Variants in RELT observed in about 807,000 individuals in gnomAD.
The protein encoded by RELT is RELT TNF receptor, also known as tumor necrosis factor receptor superfamily member 19L.
In RELT, 37 loss-of-function variants were observed where a neutral mutation model predicts 51.1. The observed-to-expected ratio is 0.72, with a 90% CI of 0.56 to 0.95. The LOEUF (loss-of-function observed/expected upper bound fraction) is 0.95, where lower values mean the gene tolerates loss of function less well. Ranked by LOEUF, RELT falls within the 40% of genes least tolerant of loss-of-function variation. RELT has a pLI of 0.00. For synonymous variants in RELT, 241 were observed against 235.7 expected, an observed-to-expected ratio of 1.02 and a Z score of -0.21; for missense variants, 535 against 572.6, an observed-to-expected ratio of 0.93 and a Z score of 0.67.
In RELT at chr11:73,395,682, G is replaced by T; in HGVS notation, c.*191G>T. 1 of 613,648 alleles carries T rather than the reference G, an allele frequency of 1.6e-6. No individual in the cohort carries two copies. The highest frequency in any genetic ancestry group is 2.9e-6 in the Non-Finnish European group (1 of 340,844). The allele number at this position is 613,648 out of a possible 1,614,324, so 38.0% of individuals were successfully genotyped here. A position where few individuals can be genotyped will look rare whatever the true frequency, so the allele number is the denominator to read the frequency against. The stretch of plus-strand genomic sequence containing the variant: ...GAGGCAGGTGGCCGGCGGGCACTGT[G>T]TACAGGAGCAGGCTGAGCCCCGCCC... On this transcript the variant is annotated 3_prime_UTR_variant, in exon 11 of 11. Transcript: ENST00000064780.
At position 73,387,133 on chromosome 11, in the gene RELT, C is replaced by T. The variant is rs190076018; in HGVS notation, c.-25-1979C>T. 9.5e-4 allele frequency among the ~76,000 whole-genome samples: 144 copies of T among 152,140 alleles called. 1 individual carries two copies. The highest frequency in any genetic ancestry group is 2.7e-3 in the South Asian group (13 of 4,824). The stretch of plus-strand genomic sequence containing the variant: ...CTAATTTTTGTATTTTTACTAGAGA[C>T]GGGGTTTCAGCATCTTGGCCAGGCT... On this transcript the variant is annotated intron_variant, in intron 1 of 10. Coordinates refer to ENST00000064780, the MANE Select transcript of RELT (RefSeq NM_152222.2).
chr11:73,380,848 G>C (rs1166200892), intron 1 of RELT, among the ~76,000 whole-genome samples: 1 of 152,196 alleles, frequency 6.6e-6, no homozygotes, highest in Non-Finnish European at 1.5e-5. Flanking sequence ...TGGGGGAGCA[G>C]GGATGTGGTC....
chr11:73,394,932 G>GC lies in RELT; in HGVS notation c.1047-154dup, dbSNP rs1866287115. On this transcript the variant is annotated intron_variant, in intron 9 of 10. Transcript: ENST00000064780. The surrounding 1 kb of genome is among the most constrained non-coding windows in gnomAD (Gnocchi z 4.9). ...ATGTTGTGTCTCACATGGAGCCCTTGCATCCCTAGGGCAGCATCTTGGCCC... is the reference window on the plus strand; with the variant it reads ...ATGTTGTGTCTCACATGGAGCCCTTGCCATCCCTAGGGCAGCATCTTGGCCC... 1 of 885,644 alleles carries GC rather than the reference G, an allele frequency of 1.1e-6. No individual in the cohort carries two copies. The highest frequency in any genetic ancestry group is 1.7e-6 in the Non-Finnish European group (1 of 582,862). The allele number at this position is 885,644 out of a possible 1,614,324, so 54.9% of individuals were successfully genotyped here.
chr11:73,385,047 T>C lies in RELT; in HGVS notation c.-25-4065T>C, dbSNP rs551527131. ...TTGGTGGGGGCGCGTCACGACGCCA[T>C]CCTGAGGGTGGTGGGAGCTGGCCCA... On this transcript the variant is annotated intron_variant, in intron 1 of 10. Transcript: ENST00000064780. 1.2e-3 allele frequency among the ~76,000 whole-genome samples: 180 copies of C among 151,854 alleles called. 1 individual carries two copies. Among genetic ancestry groups the C allele is most frequent in the African/African-American group, 4.1e-3 (170 of 41,376 alleles).
intron 1 of RELT, among the ~76,000 whole-genome samples, chr11:73,380,058 T>A (rs1234673578): frequency 6.6e-6 from 1 of 152,184 alleles, no homozygotes; most frequent in African/African-American, 2.4e-5. Flanking sequence ...CTCCCTTCAT[T>A]GTTGTGGGCC....
In RELT at chr11:73,393,852, A is replaced by G. The variant is rs564739211; in HGVS notation, c.641A>G (p.Tyr214Cys). Residue 214 changes from tyrosine (Y) to cysteine (C), a missense_variant, in exon 7 of 11, where the codon TAC (tyrosine) becomes TGC (cysteine). Tyr to Cys is a radical substitution (Grantham distance 194). Coordinates refer to ENST00000064780, the MANE Select transcript of RELT (RefSeq NM_152222.2). The stretch of plus-strand genomic sequence containing the variant: ...TCTTCCCCAGGAATCAACCCTGCCT[A>G]CCGGACTGAGGATGCCAATGAGGAC... ...GGGGSGINPAYRTEDANEDTI... is the reference protein window; with the variant it reads ...GGGGSGINPACRTEDANEDTI... 7 of 1,614,038 alleles carry G rather than the reference A, an allele frequency of 4.3e-6. No individual in the cohort carries two copies. The highest frequency in any genetic ancestry group is 4.0e-5 in the African/African-American group (3 of 75,024).
intron 5 of RELT, 71 bp downstream of exon 5, chr11:73,391,294 C>T (rs1371162666): frequency 7.2e-7 from 1 of 1,380,980 alleles, no homozygotes; most frequent in Non-Finnish European, 1.0e-6. Flanking sequence ...TGGAGCCCAG[C>T]AGCCTCTGCA....
intron 1 of RELT, among the ~76,000 whole-genome samples, chr11:73,386,547 G>A (rs1866126704): frequency 6.6e-6 from 1 of 152,196 alleles, no homozygotes; most frequent in South Asian, 2.1e-4. Flanking sequence ...CTGAGTGTGG[G>A]GGCCGGGCAG....
intron 1 of RELT, among the ~76,000 whole-genome samples, chr11:73,386,781 C>T (rs1454601537): frequency 1.3e-5 from 2 of 152,150 alleles, no homozygotes; most frequent in African/African-American, 4.8e-5. Flanking sequence ...CTCAGGTCAC[C>T]TAGCAGGTGC....
intron 1 of RELT, among the ~76,000 whole-genome samples, chr11:73,380,334 G>C (rs1186948537): frequency 6.6e-6 from 1 of 152,196 alleles, no homozygotes; most frequent in Non-Finnish European, 1.5e-5. Context: ...GCGGGTGGGG[G>C]CAAAGACTCA....
Position 73,394,179 on chromosome 11 carries a change from G to A in RELT, c.707-57G>A. 2 of 1,472,806 alleles carry A rather than the reference G, an allele frequency of 1.4e-6. No homozygotes were observed. The highest frequency in any genetic ancestry group is 2.4e-5 in the East Asian group (1 of 40,994). The allele number at this position is 1,472,806 out of a possible 1,614,324, so 91.2% of individuals were successfully genotyped here. On this transcript the variant is annotated intron_variant, in intron 7 of 10. Coordinates refer to ENST00000064780, the MANE Select transcript of RELT (RefSeq NM_152222.2). The surrounding 1 kb of genome is among the most constrained non-coding windows in gnomAD (Gnocchi z 4.9). Reference sequence around the variant, plus strand: ...GTGGGGGGTTCTCTGCTGGGGCAGGGGGTGGGAGGTGTGTCCCATATGGCC... The same window carrying A: ...GTGGGGGGTTCTCTGCTGGGGCAGGAGGTGGGAGGTGTGTCCCATATGGCC...
intron 9 of RELT, 69 bp from the exon 10 acceptor site, chr11:73,395,018 G>A: frequency 7.3e-7 from 1 of 1,371,660 alleles, no homozygotes; most frequent in Admixed American, 1.7e-5. Context: ...TGTGACCCCG[G>A]GCACGTGCTG....
Position 73,379,986 on chromosome 11 carries a change from G to A in RELT, c.-26+3487G>A, listed in dbSNP as rs564978316. ...CTTCCCTCTTTCTAGAACCCTCTTG[G>A]CCATCCAGACTATAGCCCCAGCTCC... is the stretch of plus-strand genomic sequence containing the variant. On this transcript the variant is annotated intron_variant, in intron 1 of 10. Coordinates refer to ENST00000064780, the MANE Select transcript of RELT (RefSeq NM_152222.2). Among the ~76,000 whole-genome samples, 4 of 152,240 alleles carry A rather than the reference G, an allele frequency of 2.6e-5. No individual in the cohort carries two copies. In the South Asian group the frequency reaches 8.3e-4, roughly 32 times the overall value.
Position 73,396,560 on chromosome 11 carries a change from T to C in RELT, c.*1069T>C, listed in dbSNP as rs1288210211. On this transcript the variant is annotated 3_prime_UTR_variant, in exon 11 of 11. Transcript: ENST00000064780. ...CACTGCCTGTCCATCCTGTTTCTCTTATTTATTGAAACTCACCATTGCCCT... is the reference window on the plus strand; with the variant it reads ...CACTGCCTGTCCATCCTGTTTCTCTCATTTATTGAAACTCACCATTGCCCT... 2 of 152,316 alleles carry C rather than the reference T, an allele frequency of 1.3e-5. No homozygotes were observed. The highest frequency in any genetic ancestry group is 2.9e-5 in the Non-Finnish European group (2 of 68,070). 9.4% of individuals were successfully genotyped at this position (152,316 alleles called of 1,614,324 possible).
At chr11:73,384,000 C>A (rs975561821) in intron 1 of RELT, among the ~76,000 whole-genome samples, 5 of 152,170 alleles carry the variant, frequency 3.3e-5, no homozygotes, top group African/African-American at 1.2e-4. Context: ...TGTTTCCAGG[C>A]AACCCTAGCC....
In RELT at chr11:73,377,171, G is replaced by A. The variant is rs998464776; in HGVS notation, c.-26+672G>A. ...GACCGGCGCAGGGCCAGGGCCACCC[G>A]TTACTGTGAGTGTGAAATAGAGGGA... is the stretch of plus-strand genomic sequence containing the variant. On this transcript the variant is annotated intron_variant, in intron 1 of 10. Coordinates refer to ENST00000064780, the MANE Select transcript of RELT (RefSeq NM_152222.2). Among the ~76,000 whole-genome samples the A allele has an allele frequency of 2.6e-5, 4 of 152,198 alleles. 1 individual carries two copies. Among genetic ancestry groups the A allele is most frequent in the Non-Finnish European group, 5.9e-5 (4 of 68,028 alleles).
chr11:73,385,031 G>T (rs1866103125), intron 1 of RELT, among the ~76,000 whole-genome samples: 1 of 151,996 alleles, frequency 6.6e-6, no homozygotes, highest in Admixed American at 6.6e-5. Flanking sequence ...GTTGGTGGGG[G>T]CGCGTCACGA....
intron 2 of RELT, among the ~76,000 whole-genome samples, chr11:73,390,095 C>T (rs1361338000): frequency 2.0e-5 from 3 of 152,068 alleles, no homozygotes; most frequent in South Asian, 4.1e-4. Context: ...AGGGAGAGCC[C>T]AGAATAGGAA....
Position 73,395,102 on chromosome 11 carries a change from A to T in RELT, c.1062A>T (p.Arg354=). ...ILSVGRFRVA[R]IPEQRTSSMV... ...CTCCTCACAGGTTCCGCGTGGCTCG[A>T]ATTCCTGAGCAGCGGACAAGTTCAA... Residue 354 remains arginine, a synonymous_variant, in exon 10 of 11, where the codon CGA becomes CGT. Coordinates refer to ENST00000064780, the MANE Select transcript of RELT (RefSeq NM_152222.2). The T allele has an allele frequency of 2.5e-6, 4 of 1,613,446 alleles. No homozygotes were observed.
Sources: gnomAD v4.1 joint callset for allele counts (sites outside exome capture counted in the v4.1 genomes callset) on GRCh38, gnomAD v4.1.1 for gene constraint, Gnocchi (gnomAD v3.1) non-coding constraint, MANE v1.5 for transcripts, NCBI Gene and HGNC (gene_info 2026-07-23, HGNC 2026-07-21) for gene names.